Variants in TNS3 observed in about 807,000 individuals in gnomAD.
TNS3 encodes the protein tensin-3.
TNS3 carries 45 observed loss-of-function variants against 140.9 expected under a neutral mutation model. The ratio of observed to expected loss-of-function variants is 0.32; its 90% CI spans 0.25 to 0.41. TNS3 has a LOEUF of 0.41. Among genes scored for constraint, TNS3 ranks in the 10% least tolerant of loss-of-function variants. The pLI is 1.00. For synonymous variants in TNS3, 815 were observed against 788.4 expected (o/e 1.03, Z -0.56); for missense variants, 1,716 against 1,906.7 (o/e 0.90, Z 1.86).
intron 20 of TNS3, among the ~76,000 whole-genome samples, chr7:47,314,709 G>A (rs1001316554): frequency 1.2e-4 from 19 of 152,330 alleles, no homozygotes; most frequent in African/African-American, 4.6e-4. Context: ...GCGATCAGGT[G>A]CCTGTATCCT....
intron 1 of TNS3, among the ~76,000 whole-genome samples, chr7:47,551,812 T>C (rs1282710611): frequency 2.6e-5 from 4 of 152,158 alleles, no homozygotes; most frequent in Non-Finnish European, 5.9e-5. Flanking sequence ...AATGGAAGTA[T>C]GGCTGTTATC....
At chr7:47,405,629 T>C in intron 13 of TNS3, 1 of 702,456 alleles carries the variant, frequency 1.4e-6, no homozygotes, top group Admixed American at 2.0e-5. Context: ...TATGCTGAGA[T>C]GACAGCATGG....
At chr7:47,501,107 GGGAGAAAGGGAGAAGA>G (rs1798199043) in intron 3 of TNS3, among the ~76,000 whole-genome samples, 3 of 136,790 alleles carry the variant, frequency 2.2e-5, no homozygotes, top group African/African-American at 6.2e-5. Context: ...AAGAGAGAAA[GGGAGAAAGGGAGAAGA>G]GGAGAAAGGG....
At chr7:47,358,666 C>T (rs975030181) in intron 17 of TNS3, among the ~76,000 whole-genome samples, 3 of 152,156 alleles carry the variant, frequency 2.0e-5, no homozygotes, top group Admixed American at 1.3e-4. Context: ...AGAGAGGGCT[C>T]ACCCCTCATC....
intron 4 of TNS3, among the ~76,000 whole-genome samples, chr7:47,471,640 T>C (rs1490933347): frequency 6.6e-6 from 1 of 152,178 alleles, no homozygotes; most frequent in Non-Finnish European, 1.5e-5. Flanking sequence ...TCCACTAACA[T>C]CTTCTGCTGT....
At chr7:47,424,230 C>A in intron 9 of TNS3, 46 bp from the exon 10 acceptor site, 3 of 1,599,338 alleles carry the variant, frequency 1.9e-6, no homozygotes, top group Non-Finnish European at 2.6e-6. Context: ...GTGGAGCCCA[C>A]ACCACGTGGG....
intron 10 of TNS3, among the ~76,000 whole-genome samples, chr7:47,421,165 C>T (rs998993383): frequency 3.9e-5 from 6 of 152,120 alleles, no homozygotes; most frequent in Admixed American, 3.9e-4. Flanking sequence ...TCTCAACTAT[C>T]TCAGAAAGAA....
chr7:47,428,624 C>T (rs1204632119), intron 8 of TNS3, among the ~76,000 whole-genome samples: 2 of 152,208 alleles, frequency 1.3e-5, no homozygotes, highest in Non-Finnish European at 2.9e-5. Context: ...TGTAGAAGCC[C>T]AGGAGGGCTG....
chr7:47,330,521 C>T (rs6950527), intron 20 of TNS3, among the ~76,000 whole-genome samples: 39,700 of 151,996 alleles, frequency 0.26, 5,696 homozygotes, highest in South Asian at 0.34. Context: ...GGGAGGGTGA[C>T]ACCAAATCCC....
At chr7:47,455,526 A>C (rs1796211104) in intron 4 of TNS3, among the ~76,000 whole-genome samples, 1 of 152,094 alleles carries the variant, frequency 6.6e-6, no homozygotes, top group Admixed American at 6.5e-5. Flanking sequence ...TTTCATATCC[A>C]CAAATGCAAA....
At chr7:47,570,653 G>A (rs1330939761) in intron 1 of TNS3, among the ~76,000 whole-genome samples, 1 of 152,158 alleles carries the variant, frequency 6.6e-6, no homozygotes, top group Non-Finnish European at 1.5e-5. Flanking sequence ...TTTTCATCTA[G>A]ATGTGTAACT....
chr7:47,362,062 G>A (rs1467285216), intron 17 of TNS3, among the ~76,000 whole-genome samples: 1 of 152,150 alleles, frequency 6.6e-6, no homozygotes, highest in African/African-American at 2.4e-5. Context: ...CCACGTGCAG[G>A]CTGAAACCAG....
In TNS3 at chr7:47,478,728, G is replaced by A. The variant is rs180931585; in HGVS notation, c.-76+2375C>T. On this transcript the variant is annotated intron_variant, in intron 4 of 30. Transcript: ENST00000311160. ...ATATTCACATACATAACTCTCATAT[G>A]TATGGCACATGTATGTATTCATGTG... 1.9e-3 allele frequency among the ~76,000 whole-genome samples: 284 copies of A among 151,902 alleles called. 2 individuals are homozygous for A. The highest frequency in any genetic ancestry group is 6.3e-3 in the African/African-American group (261 of 41,380).
chr7:47,555,626 C>T (rs908162820), intron 1 of TNS3, among the ~76,000 whole-genome samples: 2 of 152,206 alleles, frequency 1.3e-5, no homozygotes, highest in Admixed American at 1.3e-4. Context: ...CCACCCCAAC[C>T]TTCAGTAGCT....
At position 47,302,279 on chromosome 7, in the gene TNS3, A is replaced by C. The variant is rs373612179; in HGVS notation, c.3458-7T>G. The stretch of plus-strand genomic sequence containing the variant: ...AGTTTATCACCTGGACTATCTGTAA[A>C]GCAAAATTTAAAAACAGTGACCATG... On this transcript the variant is annotated splice_region_variant and splice_polypyrimidine_tract_variant and intron_variant, in intron 22 of 30. Transcript: ENST00000311160. The C allele has an allele frequency of 8.6e-5, 139 of 1,612,802 alleles. No homozygotes were observed. In the Middle Eastern group the frequency reaches 3.0e-3, roughly 34 times the overall value.
In TNS3 at chr7:47,275,496, T is replaced by C. The variant is rs935880310; in HGVS notation, c.*2580A>G. 1.9e-5 allele frequency: 6 copies of C among 311,072 alleles called. No homozygotes were observed. The highest frequency in any genetic ancestry group is 8.7e-5 in the South Asian group (3 of 34,472). The allele number at this position is 311,072 out of a possible 1,614,324, so 19.3% of individuals were successfully genotyped here. ...TACTCCCCAGGGCAGTACGTGCCTG[T>C]CCAGCGGGAGCCCTGGAGACAAAAT... On this transcript the variant is annotated 3_prime_UTR_variant, in exon 31 of 31. Coordinates refer to ENST00000311160, the MANE Select transcript of TNS3 (RefSeq NM_022748.12).
At chr7:47,526,099 T>C (rs528197409) in intron 2 of TNS3, among the ~76,000 whole-genome samples, 1 of 152,352 alleles carries the variant, frequency 6.6e-6, no homozygotes, top group South Asian at 2.1e-4. Flanking sequence ...TTCTCCAAGC[T>C]CTTCTCTTTC....
intron 1 of TNS3, among the ~76,000 whole-genome samples, chr7:47,537,180 A>C (rs748681310): frequency 2.0e-5 from 3 of 151,862 alleles, no homozygotes; most frequent in East Asian, 2.0e-4. Flanking sequence ...CCCAGCGGCT[A>C]TCTGGGGGGA....
intron 20 of TNS3, among the ~76,000 whole-genome samples, chr7:47,339,458 C>T (rs937567743): frequency 2.0e-5 from 3 of 152,124 alleles, no homozygotes; most frequent in African/African-American, 7.2e-5. Context: ...TGACCTTCCC[C>T]GACTTGCTTC....
Sources: gnomAD v4.1 joint callset for allele counts (sites outside exome capture counted in the v4.1 genomes callset) on GRCh38, gnomAD v4.1.1 for gene constraint, MANE v1.5 for transcripts, NCBI Gene and HGNC (gene_info 2026-07-23, HGNC 2026-07-21) for gene names.